The following RHOT1 variants were observed in gnomAD, a reference collection of about 807,000 sequenced individuals.
The protein encoded by RHOT1 is ras homolog family member T1, also known as mitochondrial Rho GTPase 1.
A neutral mutation model predicts 95.3 loss-of-function variants in RHOT1; 27 were observed. The observed-to-expected ratio is 0.28, with a 90% confidence interval of 0.21 to 0.39. RHOT1 has a LOEUF of 0.39. Ranked by LOEUF, RHOT1 falls within the 10% of genes least tolerant of loss-of-function variation. The pLI is 1.00. For synonymous variants in RHOT1, 227 were observed against 263.5 expected, an observed-to-expected ratio of 0.86 and a Z score of 1.34; for missense variants, 578 against 786.7, an observed-to-expected ratio of 0.73 and a Z score of 3.17.
intron 19 of RHOT1, among the ~76,000 whole-genome samples, chr17:32,212,673 A>AT (rs950139121): frequency 2.4e-4 from 36 of 150,950 alleles, no homozygotes; most frequent in South Asian, 2.1e-4. Context: ...TGCTTTTATT[A>AT]TTTTTTTTTA....
intron 1 of RHOT1, among the ~76,000 whole-genome samples, chr17:32,161,355 A>G (rs1339291279): frequency 6.6e-6 from 1 of 152,160 alleles, no homozygotes; most frequent in African/African-American, 2.4e-5. Context: ...TTCACCAGAA[A>G]TGCAAAAATA....
At chr17:32,212,894 C>A (rs1479490533) in intron 19 of RHOT1, among the ~76,000 whole-genome samples, 1 of 151,992 alleles carries the variant, frequency 6.6e-6, no homozygotes, top group Non-Finnish European at 1.5e-5. Flanking sequence ...ACTTATCATT[C>A]CTGGTTGTCT....
At chr17:32,146,750 G>A (rs1420786980) in intron 1 of RHOT1, among the ~76,000 whole-genome samples, 1 of 142,194 alleles carries the variant, frequency 7.0e-6, no homozygotes, top group East Asian at 2.2e-4. Context: ...GAGCCACCGC[G>A]CCCGGCCTAT....
At chr17:32,160,703 GC>G (rs1474084863) in intron 1 of RHOT1, among the ~76,000 whole-genome samples, 4 of 152,326 alleles carry the variant, frequency 2.6e-5, no homozygotes, top group Non-Finnish European at 4.4e-5. Context: ...GGGAGATGGT[GC>G]CCAAGCTGGC....
chr17:32,211,939 T>G (rs1000672091), intron 19 of RHOT1, among the ~76,000 whole-genome samples: 2 of 152,200 alleles, frequency 1.3e-5, no homozygotes, highest in African/African-American at 4.8e-5. Flanking sequence ...ATATATTCCC[T>G]CAAAGCAATA....
chr17:32,149,560 G>A (rs1168246060), intron 1 of RHOT1, among the ~76,000 whole-genome samples: 3 of 104,018 alleles, frequency 2.9e-5, no homozygotes, highest in African/African-American at 9.3e-5. Context: ...TTGGGAGGCC[G>A]AGGCGGGTGA....
intron 19 of RHOT1, among the ~76,000 whole-genome samples, chr17:32,214,998 C>T (rs1451548844): frequency 1.4e-5 from 2 of 147,456 alleles, no homozygotes; most frequent in Non-Finnish European, 3.0e-5. Flanking sequence ...CCTCCACCTC[C>T]CAGGTTCAAG....
At chr17:32,201,420 A>G (rs1346057152) in intron 14 of RHOT1, among the ~76,000 whole-genome samples, 1 of 152,242 alleles carries the variant, frequency 6.6e-6, no homozygotes, top group Admixed American at 6.5e-5. Context: ...CAAATCTTGT[A>G]AGCCAGGCAT....
chr17:32,218,522 A>C (rs979364930), intron 19 of RHOT1, among the ~76,000 whole-genome samples: 9 of 151,114 alleles, frequency 6.0e-5, no homozygotes, highest in African/African-American at 2.0e-4. Context: ...AAAAAAAAAA[A>C]CAGAGCTGGG....
chr17:32,224,564 G>A (rs891319986), intron 19 of RHOT1, 52 bp from the exon 20 acceptor site: 21 of 1,280,154 alleles, frequency 1.6e-5, no homozygotes, highest in Non-Finnish European at 2.3e-5. Flanking sequence ...AACTGGTATA[G>A]GGTTTTCATA....
intron 6 of RHOT1, chr17:32,179,111 T>C (rs1404636366): frequency 1.6e-5 from 2 of 127,364 alleles, no homozygotes; most frequent in Non-Finnish European, 3.2e-5. Context: ...GGCTGCCCCG[T>C]CTGGGAAATG....
chr17:32,204,134 C>T (rs1393096483), intron 16 of RHOT1, among the ~76,000 whole-genome samples, 161 bp downstream of exon 16: 1 of 151,914 alleles, frequency 6.6e-6, no homozygotes, highest in Non-Finnish European at 1.5e-5. Flanking sequence ...ACTATGTTGC[C>T]CTGGCGAGCT....
chr17:32,222,907 C>T (rs539707712), intron 19 of RHOT1: 1 of 984,556 alleles, frequency 1.0e-6, no homozygotes, highest in Admixed American at 6.1e-5. Context: ...AGCCAGGTAA[C>T]ATTTCCAATG....
rs541495467 is a variant in RHOT1 at position 32,194,945 on chromosome 17, C to T, written c.869+838C>T. The stretch of plus-strand genomic sequence containing the variant: ...CGTTTAAGCGATTCTTCTGTCTCAG[C>T]TTCCCAAGTAGCTGGGAATACAGGC... On this transcript the variant is annotated intron_variant, in intron 11 of 19. Transcript: ENST00000545287. 2.0e-5 allele frequency among the ~76,000 whole-genome samples: 3 copies of T among 151,524 alleles called. No homozygotes were observed. The South Asian group carries it at 6.2e-4, about 32-fold the overall frequency.
chr17:32,149,575 C>G (rs1254902486), intron 1 of RHOT1, among the ~76,000 whole-genome samples: 1 of 128,054 alleles, frequency 7.8e-6, no homozygotes, highest in African/African-American at 2.8e-5. Context: ...GGGTGAATCA[C>G]TTGAGCCCAG....
intron 1 of RHOT1, among the ~76,000 whole-genome samples, chr17:32,154,121 A>G (rs946334203): frequency 2.0e-5 from 3 of 151,356 alleles, no homozygotes; most frequent in Non-Finnish European, 2.9e-5. Context: ...TGGGCAACAT[A>G]GTGAGACTTT....
At chr17:32,191,418 A>G (rs2036480632) in intron 8 of RHOT1, among the ~76,000 whole-genome samples, 1 of 152,204 alleles carries the variant, frequency 6.6e-6, no homozygotes, top group Non-Finnish European at 1.5e-5. Flanking sequence ...CCAAGCTTAG[A>G]CAAAAGTCAG....
At chr17:32,195,046 C>T (rs564136961) in intron 11 of RHOT1, among the ~76,000 whole-genome samples, 5 of 151,770 alleles carry the variant, frequency 3.3e-5, no homozygotes, top group South Asian at 4.2e-4. Context: ...AGAATGGTCT[C>T]GATCTCCTGA....
chr17:32,154,523 C>T (rs2142395694), intron 1 of RHOT1, among the ~76,000 whole-genome samples: 1 of 143,354 alleles, frequency 7.0e-6, no homozygotes, highest in African/African-American at 2.6e-5. Context: ...GGAGGCAGAG[C>T]TTACGGTGAG....
Sources: gnomAD v4.1 joint callset for allele counts (sites outside exome capture counted in the v4.1 genomes callset) on GRCh38, gnomAD v4.1.1 for gene constraint, MANE v1.5 for transcripts, NCBI Gene and HGNC (gene_info 2026-07-23, HGNC 2026-07-21) for gene names.